TRAK1: variants seen among roughly 807,000 people sequenced by gnomAD.
TRAK1 encodes trafficking kinesin-binding protein 1.
TRAK1 carries 33 observed loss-of-function variants against 92.1 expected under a neutral mutation model. The observed-to-expected ratio is 0.36, with a 90% CI of 0.27 to 0.48. TRAK1 has a LOEUF of 0.48. Among genes scored for constraint, TRAK1 ranks in the 20% least tolerant of loss-of-function variants. The pLI is 0.99. For synonymous variants in TRAK1, 521 were observed against 517.3 expected, an observed-to-expected ratio of 1.01 and a Z score of -0.10; for missense variants, 1,123 against 1,257.9, an observed-to-expected ratio of 0.89 and a Z score of 1.62.
At chr3:42,027,174 C>T (rs147808236) in intron 1 of TRAK1, among the ~76,000 whole-genome samples, 219 of 152,232 alleles carry the variant, frequency 1.4e-3, no homozygotes, top group African/African-American at 5.2e-3. Flanking sequence ...TATGTGCATA[C>T]ATTAGTGGCA....
At chr3:42,077,988 T>C (rs1423302551) in intron 1 of TRAK1, among the ~76,000 whole-genome samples, 1 of 152,228 alleles carries the variant, frequency 6.6e-6, no homozygotes, top group Non-Finnish European at 1.5e-5. Context: ...CTTCCGCAGT[T>C]TGACAAGTGG....
Position 42,157,603 on chromosome 3 carries a change from T to C in TRAK1, c.287-19211T>C, listed in dbSNP as rs371305718. On this transcript the variant is annotated intron_variant, in intron 2 of 15. Transcript: ENST00000327628. Reference sequence around the variant, plus strand: ...TCTTGCCGAAAGTTCATAAACAGAATCTAATCATAAGAAAACACCAGGAAT... The same window carrying C: ...TCTTGCCGAAAGTTCATAAACAGAACCTAATCATAAGAAAACACCAGGAAT... Among the ~76,000 whole-genome samples the C allele has an allele frequency of 9.5e-5, 14 of 147,608 alleles. No individual in the cohort carries two copies. In the South Asian group the frequency reaches 3.1e-3, roughly 33 times the overall value.
At chr3:42,057,888 G>A (rs931427110) in intron 1 of TRAK1, among the ~76,000 whole-genome samples, 1 of 152,196 alleles carries the variant, frequency 6.6e-6, no homozygotes, top group East Asian at 1.9e-4. Context: ...TTAAGTATTT[G>A]AAGGAACCAG....
chr3:42,134,688 G>A (rs1196482321), intron 2 of TRAK1, among the ~76,000 whole-genome samples: 4 of 146,498 alleles, frequency 2.7e-5, no homozygotes, highest in African/African-American at 1.0e-4. Flanking sequence ...CTGGGTTCAC[G>A]CCATTCACCT....
chr3:42,122,572 C>A (rs2149127273), intron 1 of TRAK1, among the ~76,000 whole-genome samples: 1 of 152,218 alleles, frequency 6.6e-6, no homozygotes, highest in Non-Finnish European at 1.5e-5. Context: ...CCTGTTTAAC[C>A]CCATGTTCCC....
At position 42,189,054 on chromosome 3, in the gene TRAK1, A is replaced by T; in HGVS notation, c.620A>T (p.Tyr207Phe). Residue 207 changes from tyrosine to phenylalanine, a missense_variant, in exon 6 of 16, where the codon TAC becomes TTC. This residue lies in a region of TRAK1 where 686 missense variants were observed against 747.6 expected (regional missense o/e 0.92). Coordinates refer to ENST00000327628, the MANE Select transcript of TRAK1 (RefSeq NM_001042646.3). ...GAGTCGTCCTCCTCAGTCCAGAATT[A>T]CTTTCATTTGGATTCTCTTCAAAAG... is the stretch of plus-strand genomic sequence containing the variant. ...RNESSSSVQN[Y>F]FHLDSLQKKL... The T allele has an allele frequency of 6.2e-7, 1 of 1,614,146 alleles. No homozygotes were observed. The highest frequency in any genetic ancestry group is 8.5e-7 in the Non-Finnish European group (1 of 1,179,988).
chr3:42,169,473 C>CT (rs770472258), intron 2 of TRAK1, among the ~76,000 whole-genome samples: 1 of 152,012 alleles, frequency 6.6e-6, no homozygotes, highest in African/African-American at 2.4e-5. Flanking sequence ...ACTTAGGAGA[C>CT]TTTAAAAAGT....
chr3:42,144,278 A>G (rs867795534), intron 2 of TRAK1, among the ~76,000 whole-genome samples: 81 of 150,356 alleles, frequency 5.4e-4, no homozygotes, highest in African/African-American at 1.7e-3. Flanking sequence ...AAAAAAAAAA[A>G]GAAAGATTAG....
chr3:42,210,684 A>C (rs370224645), intron 14 of TRAK1: 1 of 991,122 alleles, frequency 1.0e-6, no homozygotes, highest in South Asian at 4.7e-5. Flanking sequence ...CAATGGAGGT[A>C]TATATGTCAT....
chr3:42,030,370 A>AT (rs1553701545), intron 1 of TRAK1, among the ~76,000 whole-genome samples: 1 of 72,814 alleles, frequency 1.4e-5, no homozygotes, highest in East Asian at 6.3e-4. Flanking sequence ...TCTAAAAAAA[A>AT]AAATATATAT....
Position 42,056,803 on chromosome 3 carries a change from G to A in TRAK1, c.-518-30301G>A, listed in dbSNP as rs145529861. Among the ~76,000 whole-genome samples the A allele has an allele frequency of 2.0e-4, 30 of 152,228 alleles. No individual in the cohort carries two copies. In the East Asian group the frequency reaches 4.4e-3, roughly 23 times the overall value. On this transcript the variant is annotated intron_variant, in intron 1 of 16. Coordinates refer to the TRAK1 transcript ENST00000487159. Reference sequence around the variant, plus strand: ...GTGCTTGTATATTTTTGAATTCACAGTCCTTTTTTCTGCCCCGATTGTAAT... The same window carrying A: ...GTGCTTGTATATTTTTGAATTCACAATCCTTTTTTCTGCCCCGATTGTAAT...
intron 1 of TRAK1, among the ~76,000 whole-genome samples, chr3:42,039,852 G>A (rs572699048): frequency 5.9e-5 from 9 of 152,166 alleles, no homozygotes; most frequent in African/African-American, 1.9e-4. Flanking sequence ...AGTGTATTAT[G>A]GTTTCATTCT....
intron 3 of TRAK1, 39 bp from the exon 4 acceptor site, chr3:42,184,646 G>T: frequency 6.3e-7 from 1 of 1,599,280 alleles, no homozygotes; most frequent in Admixed American, 1.7e-5. Flanking sequence ...AGGAAACACA[G>T]GTCTTTTGAA....
In TRAK1 at chr3:42,200,842, A is replaced by G. The variant is rs761921574; in HGVS notation, c.1215A>G (p.Thr405=). Residue 405 remains threonine (T), a synonymous_variant, in exon 12 of 16, where the codon ACA becomes ACG. Coordinates refer to ENST00000327628, the MANE Select transcript of TRAK1 (RefSeq NM_001042646.3). ...DITHQKRVFE[T]VRNINQVVKQ... ...GTCACCAGAAGCGTGTCTTTGAGAC[A>G]GTAAGAAACATCAACCAGGTTGTCA... 2.5e-5 allele frequency: 41 copies of G among 1,614,104 alleles called. 1 individual carries two copies. In the Middle Eastern group the frequency reaches 6.6e-4, roughly 26 times the overall value.
chr3:42,183,553 T>TAAA (rs11293523), intron 3 of TRAK1, among the ~76,000 whole-genome samples: 6 of 117,348 alleles, frequency 5.1e-5, no homozygotes, highest in African/African-American at 9.6e-5. Context: ...AGACTCTGTC[T>TAAA]AAAAAAAAAA....
At chr3:42,023,883 A>G (rs985641581) in intron 1 of TRAK1, among the ~76,000 whole-genome samples, 3 of 149,642 alleles carry the variant, frequency 2.0e-5, no homozygotes, top group East Asian at 2.0e-4. Flanking sequence ...CCTCCCGAGT[A>G]TCTGGGGATT....
chr3:42,072,073 C>G lies in TRAK1; in HGVS notation c.-518-15031C>G, dbSNP rs370007382. 2.6e-5 allele frequency among the ~76,000 whole-genome samples: 4 copies of G among 152,202 alleles called. No homozygotes were observed. The East Asian group carries it at 7.7e-4, about 29-fold the overall frequency. On this transcript the variant is annotated intron_variant, in intron 1 of 16. Transcript: ENST00000487159. ...GCTGGGATGCCTCTCTGAGAACTGC[C>G]TCCATCCTGCCAGCTGCCTGTCAGG...
chr3:42,171,078 G>A (rs1178462204), intron 2 of TRAK1, among the ~76,000 whole-genome samples: 2 of 152,068 alleles, frequency 1.3e-5, no homozygotes, highest in Non-Finnish European at 2.9e-5. Context: ...GCCTCCCAAA[G>A]TGCTGGGATT....
intron 1 of TRAK1, among the ~76,000 whole-genome samples, chr3:42,028,583 A>C (rs1702003084): frequency 6.6e-6 from 1 of 152,156 alleles, no homozygotes; most frequent in Non-Finnish European, 1.5e-5. Context: ...TTGAATGGGG[A>C]TTGAGCCATG....
Sources: allele counts gnomAD v4.1 joint callset (sites outside exome capture counted in the v4.1 genomes callset), GRCh38; gene constraint gnomAD v4.1.1; regional missense constraint gnomAD v4.1.1; transcripts MANE v1.5; gene names NCBI Gene and HGNC (gene_info 2026-07-23, HGNC 2026-07-21).